SGCD: variants seen among roughly 807,000 people sequenced by gnomAD.
SGCD encodes the protein delta-sarcoglycan.
In SGCD, 18 loss-of-function variants were observed where a neutral mutation model predicts 36.6. The observed-to-expected ratio is 0.49, with a 90% confidence interval of 0.34 to 0.73. SGCD has a LOEUF of 0.73. Ranked by LOEUF, SGCD falls within the 30% of genes least tolerant of loss-of-function variation. SGCD has a pLI of 0.01. For missense variants in SGCD, 387 were observed against 346.7 expected, an observed-to-expected ratio of 1.12 and a Z score of -0.92; for synonymous variants, 133 against 130.6, an observed-to-expected ratio of 1.02 and a Z score of -0.12.
At chr5:156,256,112 G>T (rs1310611794) in intron 3 of SGCD, among the ~76,000 whole-genome samples, 2 of 152,126 alleles carry the variant, frequency 1.3e-5, no homozygotes, top group Non-Finnish European at 2.9e-5. Context: ...TGTTTTCCCA[G>T]TTCTGGGTTT....
intron 4 of SGCD, among the ~76,000 whole-genome samples, chr5:156,514,827 GAT>G (rs1029120966): frequency 6.6e-6 from 1 of 152,150 alleles, no homozygotes; most frequent in Non-Finnish European, 1.5e-5. Flanking sequence ...GCACAACTGA[GAT>G]ATTAACACCT....
chr5:156,504,158 C>A (rs1160082000), intron 3 of SGCD, among the ~76,000 whole-genome samples: 4 of 149,972 alleles, frequency 2.7e-5, no homozygotes, highest in Middle Eastern at 3.2e-3. Context: ...GAGCTGAGAT[C>A]ACACTGTTGC....
chr5:156,168,384 A>T (rs4704983), intron 3 of SGCD, among the ~76,000 whole-genome samples: 110,159 of 151,382 alleles, frequency 0.73, 41,027 homozygotes, highest in East Asian at 0.94. Context: ...AAAAAAAAAA[A>T]AATGGGCAAC....
intron 1 of SGCD, among the ~76,000 whole-genome samples, chr5:155,951,931 A>G (rs764180872): frequency 6.6e-6 from 1 of 152,224 alleles, no homozygotes; most frequent in Non-Finnish European, 1.5e-5. Flanking sequence ...ACCACAAATC[A>G]GAACAGTCTG....
chr5:155,806,532 A>C, the SGCD span, among the ~76,000 whole-genome samples: 6 of 152,264 alleles, frequency 3.9e-5, no homozygotes, highest in East Asian at 1.2e-3. Context: ...ACAATGTCAG[A>C]AAATATTCTT....
At chr5:155,883,793 CAAAAAAAAAA>C (rs34250962) in intron 1 of SGCD, among the ~76,000 whole-genome samples, 1 of 83,524 alleles carries the variant, frequency 1.2e-5, no homozygotes, top group African/African-American at 4.9e-5. Flanking sequence ...CTTCAATTTG[CAAAAAAAAAA>C]AAAAAAAAAA....
At chr5:155,832,961 C>T in the SGCD span, among the ~76,000 whole-genome samples, 1 of 151,070 alleles carries the variant, frequency 6.6e-6, no homozygotes, top group Non-Finnish European at 1.5e-5. Context: ...TGCCTATAAT[C>T]CCAGCACTTT....
chr5:156,573,443 A>C (rs973050522), intron 4 of SGCD, among the ~76,000 whole-genome samples: 1 of 152,148 alleles, frequency 6.6e-6, no homozygotes, highest in African/African-American at 2.4e-5. Flanking sequence ...CCCCACATGG[A>C]CTTAGTGTTT....
chr5:156,405,259 G>A (rs748528436), intron 3 of SGCD, among the ~76,000 whole-genome samples: 1 of 152,142 alleles, frequency 6.6e-6, no homozygotes, highest in Non-Finnish European at 1.5e-5. Flanking sequence ...TTCTCTGTCT[G>A]GGCTTCTGAA....
At chr5:155,838,871 A>G in the SGCD span, among the ~76,000 whole-genome samples, 2 of 152,136 alleles carry the variant, frequency 1.3e-5, no homozygotes, top group Non-Finnish European at 2.9e-5. Context: ...AACATTGATA[A>G]CCAAAATGAG....
At chr5:156,594,072 A>G (rs1405557337) in intron 5 of SGCD, among the ~76,000 whole-genome samples, 1 of 152,180 alleles carries the variant, frequency 6.6e-6, no homozygotes, top group Non-Finnish European at 1.5e-5. Flanking sequence ...TTAGGTATTC[A>G]GGTAGATCCA....
intron 4 of SGCD, among the ~76,000 whole-genome samples, chr5:156,514,818 C>A (rs571809138): frequency 6.6e-6 from 1 of 152,140 alleles, no homozygotes; most frequent in South Asian, 2.1e-4. Context: ...TTCTTACCTG[C>A]ACAACTGAGA....
At chr5:156,639,216 G>A (rs1762940295) in intron 6 of SGCD, among the ~76,000 whole-genome samples, 1 of 151,926 alleles carries the variant, frequency 6.6e-6, no homozygotes, top group Non-Finnish European at 1.5e-5. Context: ...CCTCACAATA[G>A]GTTTATGAGA....
At chr5:156,258,686 G>A (rs182081535) in intron 3 of SGCD, among the ~76,000 whole-genome samples, 5 of 152,198 alleles carry the variant, frequency 3.3e-5, no homozygotes, top group African/African-American at 1.2e-4. Context: ...TATTAAAGCA[G>A]ATTTTAAAGA....
rs968260767 is a variant in SGCD, at chr5:156,052,253, C to G, written c.-281-65625C>G. ...GTTGGAGTTTCTCCAGGGATCCCCT[C>G]CCACCTGGCTGTCTCAGTGTCGGGG... On this transcript the variant is annotated intron_variant, in intron 1 of 9. Transcript: ENST00000517913. Among the ~76,000 whole-genome samples, 30 of 145,902 alleles carry G rather than the reference C, an allele frequency of 2.1e-4. 8 individuals carry two copies. Among genetic ancestry groups the G allele is most frequent in the Non-Finnish European group, 1.9e-4 (12 of 64,698 alleles).
intron 3 of SGCD, among the ~76,000 whole-genome samples, chr5:156,284,320 G>C (rs553616763): frequency 2.0e-5 from 3 of 152,030 alleles, no homozygotes; most frequent in Non-Finnish European, 4.4e-5. Context: ...TAACTCATTT[G>C]ATGAGGCCAG....
At chr5:156,070,322 TGA>T (rs1192423695) in intron 1 of SGCD, among the ~76,000 whole-genome samples, 1 of 152,096 alleles carries the variant, frequency 6.6e-6, no homozygotes, top group East Asian at 1.9e-4. Context: ...CCGAATTTAT[TGA>T]GAGTTTTTAG....
chr5:155,970,972 A>AT (rs1347186942), intron 1 of SGCD, among the ~76,000 whole-genome samples: 2 of 152,028 alleles, frequency 1.3e-5, no homozygotes, highest in African/African-American at 2.4e-5. Context: ...CCTTTTCCTC[A>AT]TGGTCTCAGG....
chr5:156,349,944 G>T (rs78000602), intron 3 of SGCD, among the ~76,000 whole-genome samples: 1 of 151,904 alleles, frequency 6.6e-6, no homozygotes, highest in African/African-American at 2.4e-5. Context: ...AAGTTGTATG[G>T]AACCAGAGGC....
Sources: allele counts gnomAD v4.1 joint callset (sites outside exome capture counted in the v4.1 genomes callset), GRCh38; gene constraint gnomAD v4.1.1; transcripts MANE v1.5; gene names NCBI Gene and HGNC (gene_info 2026-07-23, HGNC 2026-07-21).